CHD2: variants seen among roughly 807,000 people sequenced by gnomAD.
CHD2 encodes chromodomain helicase DNA binding protein 2, also known as ATP-dependent chromatin remodeler CHD2.
A neutral mutation model predicts 243.9 loss-of-function variants in CHD2; 28 were observed. That is an observed-to-expected ratio of 0.11 (90% CI 0.09 to 0.16). The LOEUF (loss-of-function observed/expected upper bound fraction) is 0.16. CHD2 is among the 10% of genes least tolerant of loss of function. CHD2 has a pLI of 1.00. For missense variants in CHD2, 1,386 were observed against 2,209.8 expected (o/e 0.63, Z 7.47); for synonymous variants, 775 against 779.0 (o/e 0.99, Z 0.09).
chr15:92,977,439 C>G (rs999965861), intron 20 of CHD2, among the ~76,000 whole-genome samples: 1 of 152,238 alleles, frequency 6.6e-6, no homozygotes, highest in African/African-American at 2.4e-5. Context: ...CTGCTTCTCT[C>G]TGCTACAAAG....
chr15:92,912,465 T>TC (rs1412948665), intron 2 of CHD2, among the ~76,000 whole-genome samples: 1 of 152,234 alleles, frequency 6.6e-6, no homozygotes, highest in Non-Finnish European at 1.5e-5. Flanking sequence ...CAAGTGATTC[T>TC]CCTGCCTCAG....
intron 10 of CHD2, 51 bp downstream of exon 10, chr15:92,944,566 G>A: frequency 1.1e-6 from 1 of 915,428 alleles, no homozygotes; most frequent in Non-Finnish European, 1.7e-6. Flanking sequence ...AGGAATAGTG[G>A]CTTTTGCTTT....
intron 28 of CHD2, among the ~76,000 whole-genome samples, chr15:92,995,756 A>G (rs533042876): frequency 6.6e-6 from 1 of 152,336 alleles, no homozygotes; most frequent in African/African-American, 2.4e-5. Context: ...CTGCCAGCAT[A>G]TCTTTGGGAT....
Position 92,944,678 on chromosome 15 carries a change from G to A in CHD2, c.1153+163G>A, listed in dbSNP as rs78353573. On this transcript the variant is annotated intron_variant, in intron 10 of 38. Coordinates refer to ENST00000394196, the MANE Select transcript of CHD2 (RefSeq NM_001271.4). ...AAGATTTGCTGGTAAATTTGGATGT[G>A]GGGGATGAGAGAAAGAGGTGTTAAG... The A allele has an allele frequency of 7.4e-3, 2,865 of 387,478 alleles. 132 individuals carry two copies. The Admixed American group carries it at 0.085, about 11-fold the overall frequency. The allele number at this position is 387,478 out of a possible 1,614,324, so 24.0% of individuals were successfully genotyped here.
In CHD2 at chr15:92,998,584, G is replaced by A. The variant is rs1481229572; in HGVS notation, c.3971G>A (p.Gly1324Asp). 3 of 1,613,340 alleles carry A rather than the reference G, an allele frequency of 1.9e-6. No homozygotes were observed. In the East Asian group the frequency reaches 6.7e-5, roughly 36 times the overall value. ...TACTTGTTGAAGCTGCTCAGAAAGG[G>A]TCTGGAGAAGAAGGGGGCTGTGACA... ...ADYLLKLLRK[G>D]LEKKGAVTGG... Residue 1324 changes from glycine to aspartate, a missense_variant, in exon 31 of 39, where the codon GGT becomes GAT. Gly to Asp is a moderately conservative substitution (Grantham distance 94). Transcript: ENST00000394196. The surrounding 1 kb of genome is among the most constrained non-coding windows in gnomAD (Gnocchi z 5.1).
intron 37 of CHD2, 50 bp from the exon 38 acceptor site, chr15:93,019,961 GA>G: frequency 2.6e-6 from 4 of 1,555,420 alleles, no homozygotes; most frequent in Non-Finnish European, 3.5e-6. Flanking sequence ...TAGTGAAAGT[GA>G]AATTCATCCA....
At position 92,997,870 on chromosome 15, in the gene CHD2, C is replaced by G. The variant is rs770921751; in HGVS notation, c.3885+467C>G. On this transcript the variant is annotated intron_variant, in intron 30 of 38. Coordinates refer to ENST00000394196, the MANE Select transcript of CHD2 (RefSeq NM_001271.4). The surrounding 1 kb of genome is among the most constrained non-coding windows in gnomAD (Gnocchi z 4.1). ...ATCGAGCCTCCCACCCTATCTGTTG[C>G]AAGTAGCAAGGCCATGGTTGGAGCT... 2 of 155,796 alleles carry G rather than the reference C, an allele frequency of 1.3e-5. No homozygotes were observed. Among genetic ancestry groups the G allele is most frequent in the Non-Finnish European group, 2.8e-5 (2 of 70,406 alleles). 9.7% of individuals were successfully genotyped at this position (155,796 alleles called of 1,614,324 possible). A position where few individuals can be genotyped will look rare whatever the true frequency, so the allele number is the denominator to read the frequency against.
rs1244932885 is a variant in CHD2, at chr15:93,024,640, C to A, written c.5422C>A (p.Pro1808Thr). The A allele has an allele frequency of 6.2e-7, 1 of 1,614,128 alleles. No homozygotes were observed. Among genetic ancestry groups the A allele is most frequent in the South Asian group, 1.1e-5 (1 of 91,070 alleles). Residue 1808 changes from proline (P) to threonine (T), a missense_variant, in exon 39 of 39, where the codon CCT becomes ACT. Pro to Thr is a conservative substitution (Grantham distance 38). Transcript: ENST00000394196. ...DSKSPLDHRSPLERSLEQKNN... is the reference protein window; with the variant it reads ...DSKSPLDHRSTLERSLEQKNN... ...CAAGTCACCCCTGGATCATAGGTCT[C>A]CTTTGGAGAGATCACTAGAACAGAA...
intron 36 of CHD2, 136 bp from the exon 37 acceptor site, chr15:93,014,560 T>G (rs1054563543): frequency 8.5e-6 from 6 of 704,774 alleles, no homozygotes; most frequent in Admixed American, 2.9e-5. Flanking sequence ...GCCTTTTTTT[T>G]GTTAGGAGGT....
chr15:92,934,038 G>T (rs182491175), intron 5 of CHD2, among the ~76,000 whole-genome samples: 1 of 152,256 alleles, frequency 6.6e-6, no homozygotes, highest in Admixed American at 6.5e-5. Context: ...GAAATCTACT[G>T]AAGACTGAGG....
At chr15:92,977,508 C>A (rs187216978) in intron 20 of CHD2, among the ~76,000 whole-genome samples, 1 of 152,202 alleles carries the variant, frequency 6.6e-6, no homozygotes, top group East Asian at 1.9e-4. Context: ...TTCACCTTTT[C>A]CCCCCGGCTT....
rs1248503560 is a variant in CHD2, at chr15:92,906,026, A to G, written c.62+4727A>G. ...GTTAATTATTTTTGAAGAGGATATG[A>G]ACTATTCTGTTATTTAAGATATTTT... On this transcript the variant is annotated intron_variant, in intron 2 of 38. Coordinates refer to ENST00000394196, the MANE Select transcript of CHD2 (RefSeq NM_001271.4). Among the ~76,000 whole-genome samples, 3 of 152,342 alleles carry G rather than the reference A, an allele frequency of 2.0e-5. No individual in the cohort carries two copies. In the South Asian group the frequency reaches 6.2e-4, roughly 32 times the overall value.
In CHD2 at chr15:93,014,710, A is replaced by G; in HGVS notation, c.4707A>G (p.Lys1569=). ...RSQEEEEQKK[K]DDVTGGKKPF... The stretch of plus-strand genomic sequence containing the variant: ...TTACTCTTTAGGAGCAAAAGAAGAA[A>G]GACGACGTGACTGGGGGTAAGAAAC... Residue 1569 remains lysine (K), a synonymous_variant, in exon 37 of 39, where the codon AAA becomes AAG. Transcript: ENST00000394196. 6.2e-7 allele frequency: 1 copy of G among 1,614,024 alleles called. No homozygotes were observed. Among genetic ancestry groups the G allele is most frequent in the Non-Finnish European group, 8.5e-7 (1 of 1,179,994 alleles).
intron 34 of CHD2, among the ~76,000 whole-genome samples, chr15:93,006,124 CTTTTTTT>C (rs55820002): frequency 2.4e-5 from 3 of 125,264 alleles, no homozygotes; most frequent in Admixed American, 8.7e-5. Flanking sequence ...CTCTCTCTCT[CTTTTTTT>C]TTTTTTTTTT....
intron 12 of CHD2, among the ~76,000 whole-genome samples, chr15:92,947,866 T>C (rs2053494468): frequency 6.6e-6 from 1 of 152,186 alleles, no homozygotes; most frequent in Non-Finnish European, 1.5e-5. Flanking sequence ...CTTATTAGAA[T>C]GATACTTCTC....
At chr15:93,000,378 C>A in intron 31 of CHD2, 134 bp from the exon 32 acceptor site, 2 of 934,982 alleles carry the variant, frequency 2.1e-6, no homozygotes, top group Non-Finnish European at 3.1e-6. Context: ...ATGAGTTGCA[C>A]TCTTTTGATT....
rs78191674 is a variant in CHD2 at position 92,985,716 on chromosome 15, G to A, written c.3413+43G>A. Reference sequence around the variant, plus strand: ...TCTCACTGAGCTTGTTTGAAAGTGCGTACTGTAAGTCTTGGGTTGACTGGA... The same window carrying A: ...TCTCACTGAGCTTGTTTGAAAGTGCATACTGTAAGTCTTGGGTTGACTGGA... On this transcript the variant is annotated intron_variant, in intron 26 of 38. Coordinates refer to ENST00000394196, the MANE Select transcript of CHD2 (RefSeq NM_001271.4). 2.5e-3 allele frequency: 3,937 copies of A among 1,571,582 alleles called. 88 individuals are homozygous for A. In the African/African-American group the frequency reaches 0.046, roughly 18 times the overall value.
chr15:92,982,480 T>C (rs535309575), intron 24 of CHD2, among the ~76,000 whole-genome samples: 7 of 152,154 alleles, frequency 4.6e-5, no homozygotes, highest in Non-Finnish European at 7.4e-5. Flanking sequence ...GTCAGAGAAA[T>C]TGGATCAGTT....
At chr15:93,001,691 A>AT (rs2054258843) in intron 32 of CHD2, among the ~76,000 whole-genome samples, 1 of 151,916 alleles carries the variant, frequency 6.6e-6, no homozygotes. Flanking sequence ...TAGTTTTTGT[A>AT]TTTTTAGAAG....
Sources: allele counts gnomAD v4.1 joint callset (sites outside exome capture counted in the v4.1 genomes callset), GRCh38; gene constraint gnomAD v4.1.1; non-coding constraint Gnocchi (gnomAD v3.1); transcripts MANE v1.5; gene names NCBI Gene and HGNC (gene_info 2026-07-23, HGNC 2026-07-21).